SMCHD1: variants seen among roughly 807,000 people sequenced by gnomAD.
SMCHD1 encodes structural maintenance of chromosomes flexible hinge domain-containing protein 1.
A neutral mutation model predicts 254.7 loss-of-function variants in SMCHD1; 78 were observed. The observed-to-expected ratio is 0.31, with a 90% CI of 0.26 to 0.37. The LOEUF is 0.37. Ranked by LOEUF, SMCHD1 falls within the 10% of genes least tolerant of loss-of-function variation. The pLI is 1.00. For missense variants in SMCHD1, 1,840 were observed against 2,408.1 expected (o/e 0.76, Z 4.94); for synonymous variants, 766 against 794.9 (o/e 0.96, Z 0.61).
At chr18:2,712,325 A>T (rs2074697620) in intron 17 of SMCHD1, among the ~76,000 whole-genome samples, 1 of 151,248 alleles carries the variant, frequency 6.6e-6, no homozygotes, top group South Asian at 2.1e-4. Context: ...CTCCTCTTTA[A>T]GTTTTTGGAA....
At chr18:2,769,507 A>G (rs1400038961) in intron 37 of SMCHD1, among the ~76,000 whole-genome samples, 187 bp from the exon 38 acceptor site, 1 of 152,178 alleles carries the variant, frequency 6.6e-6, no homozygotes, top group Non-Finnish European at 1.5e-5. Flanking sequence ...AGAAGGTAAA[A>G]AGTTGTATGT....
intron 41 of SMCHD1, 33 bp downstream of exon 41, chr18:2,772,405 A>G (rs374911901): frequency 2.7e-6 from 4 of 1,488,424 alleles, no homozygotes; most frequent in Non-Finnish European, 3.6e-6. Flanking sequence ...GAAAGGCAGT[A>G]CATTTTATTA....
At chr18:2,749,168 G>A (rs1411989909) in intron 30 of SMCHD1, among the ~76,000 whole-genome samples, 2 of 152,178 alleles carry the variant, frequency 1.3e-5, no homozygotes, top group African/African-American at 4.8e-5. Flanking sequence ...GAGAGACAAT[G>A]GACCAGAGGG....
At chr18:2,658,368 G>C (rs896188528) in intron 1 of SMCHD1, among the ~76,000 whole-genome samples, 1 of 152,154 alleles carries the variant, frequency 6.6e-6, no homozygotes, top group African/African-American at 2.4e-5. Context: ...TCATTACTCA[G>C]ATAGTAAAGC....
intron 17 of SMCHD1, among the ~76,000 whole-genome samples, chr18:2,714,675 A>G (rs1031070320): frequency 6.6e-6 from 1 of 151,820 alleles, no homozygotes; most frequent in South Asian, 2.1e-4. Flanking sequence ...TGTTTTTATG[A>G]TGGCTAGTAT....
chr18:2,760,574 A>C, intron 34 of SMCHD1, 78 bp from the exon 35 acceptor site: 2 of 809,358 alleles, frequency 2.5e-6, no homozygotes, highest in South Asian at 2.9e-5. Flanking sequence ...TGTGGAAAGA[A>C]CAGAAATGTT....
chr18:2,781,316 A>G lies in SMCHD1; in HGVS notation c.5547+3077A>G, dbSNP rs192765527. 2.0e-5 allele frequency among the ~76,000 whole-genome samples: 3 copies of G among 152,366 alleles called. No homozygotes were observed. The East Asian group carries it at 5.8e-4, about 29-fold the overall frequency. ...TAAACATTTTTCTAGAGAATTCATC[A>G]ACATAACAATTGACTCTAATATCTG... On this transcript the variant is annotated intron_variant, in intron 44 of 47. Transcript: ENST00000320876.
intron 7 of SMCHD1, among the ~76,000 whole-genome samples, chr18:2,690,091 A>G (rs1352795323): frequency 2.6e-5 from 4 of 152,186 alleles, no homozygotes; most frequent in Admixed American, 2.6e-4. Context: ...AACTTGTAGG[A>G]AACTTTATAG....
chr18:2,656,391 T>TCCCGTGTG (rs1256625935), intron 1 of SMCHD1, 130 bp downstream of exon 1: 1 of 868,084 alleles, frequency 1.2e-6, no homozygotes, highest in African/African-American at 1.8e-5. Flanking sequence ...GGCTTCCCTC[T>TCCCGTGTG]CCCGTGTGCC....
intron 34 of SMCHD1, among the ~76,000 whole-genome samples, chr18:2,757,121 G>A (rs936558561): frequency 5.9e-5 from 9 of 152,158 alleles, no homozygotes; most frequent in Non-Finnish European, 1.2e-4. Context: ...GTATATGTAT[G>A]TAGAGCTGTA....
chr18:2,683,972 T>TA (rs2073984677), intron 5 of SMCHD1, among the ~76,000 whole-genome samples: 1 of 152,182 alleles, frequency 6.6e-6, no homozygotes, highest in African/African-American at 2.4e-5. Context: ...TAACCACACT[T>TA]ACAATTTCAT....
intron 45 of SMCHD1, among the ~76,000 whole-genome samples, chr18:2,792,168 T>C (rs1430479255): frequency 6.6e-6 from 1 of 152,220 alleles, no homozygotes; most frequent in African/African-American, 2.4e-5. Flanking sequence ...ACAGCAATAC[T>C]GTCATGTGCC....
rs547130890 is a variant in SMCHD1, at chr18:2,660,472, G to GTTTT, written c.186+4227_186+4230dup. ...TAAATTTATAGATTAAAAATCCATG[G>GTTTT]TTTTTTTTTTTTTTTTTTTGATGGG... On this transcript the variant is annotated intron_variant, in intron 1 of 47. Transcript: ENST00000320876. Among the ~76,000 whole-genome samples, 70 of 126,162 alleles carry GTTTT rather than the reference G, an allele frequency of 5.5e-4. 3 individuals carry two copies. The highest frequency in any genetic ancestry group is 1.1e-3 in the Admixed American group (14 of 12,258). 82.8% of individuals were successfully genotyped at this position (126,162 alleles called of 152,430 possible). A position where few individuals can be genotyped will look rare whatever the true frequency, so the allele number is the denominator to read the frequency against.
chr18:2,741,589 A>C (rs1451469755), intron 28 of SMCHD1, among the ~76,000 whole-genome samples: 2 of 152,178 alleles, frequency 1.3e-5, no homozygotes, highest in East Asian at 3.8e-4. Flanking sequence ...AATGTCGAGC[A>C]TCATTTTCAC....
rs1198146991 is a variant in SMCHD1 at position 2,697,742 on chromosome 18, T to C, written c.1132-89T>C. 6 of 827,316 alleles carry C rather than the reference T, an allele frequency of 7.3e-6. No individual in the cohort carries two copies. The African/African-American group carries it at 8.7e-5, about 12-fold the overall frequency. 51.2% of individuals were successfully genotyped at this position (827,316 alleles called of 1,614,324 possible). On this transcript the variant is annotated intron_variant, in intron 9 of 47. Transcript: ENST00000320876. ...TTGTTACTTGTACAAATAAACATAATTTTTACTTATTCTGTTGTTGAATCA... is the reference window on the plus strand; with the variant it reads ...TTGTTACTTGTACAAATAAACATAACTTTTACTTATTCTGTTGTTGAATCA...
intron 45 of SMCHD1, among the ~76,000 whole-genome samples, chr18:2,794,024 C>T (rs1472729141): frequency 6.6e-6 from 1 of 152,116 alleles, no homozygotes; most frequent in East Asian, 1.9e-4. Context: ...GTTTATATGT[C>T]CATTTCCATG....
chr18:2,655,999 GGCGCCGC>G lies in SMCHD1; in HGVS notation c.-73_-67del, dbSNP rs2073041966. The G allele has an allele frequency of 8.3e-7, 1 of 1,199,602 alleles. No individual in the cohort carries two copies. Among genetic ancestry groups the G allele is most frequent in the Middle Eastern group, 3.0e-4 (1 of 3,292 alleles). The allele number at this position is 1,199,602 out of a possible 1,614,324, so 74.3% of individuals were successfully genotyped here. Reference sequence around the variant, plus strand: ...AGCCGCCCCGGGAGCTGGAGCTGAAGGCGCCGCGCGGAGCGCGCACCTCAGCCCTGAG... The same window carrying G: ...AGCCGCCCCGGGAGCTGGAGCTGAAGGCGGAGCGCGCACCTCAGCCCTGAG... On this transcript the variant is annotated 5_prime_UTR_variant, in exon 1 of 48. Transcript: ENST00000320876.
At chr18:2,711,917 A>T (rs2074685684) in intron 17 of SMCHD1, among the ~76,000 whole-genome samples, 1 of 152,178 alleles carries the variant, frequency 6.6e-6, no homozygotes, top group Non-Finnish European at 1.5e-5. Context: ...TGGTTGTTAA[A>T]AAGAACCTGG....
intron 42 of SMCHD1, 68 bp from the exon 43 acceptor site, chr18:2,777,738 A>G: frequency 4.9e-6 from 4 of 809,308 alleles, no homozygotes; most frequent in South Asian, 4.0e-5. Flanking sequence ...CATGTTTTCC[A>G]TATTGTCTTT....
Sources: gnomAD v4.1 joint callset for allele counts (sites outside exome capture counted in the v4.1 genomes callset) on GRCh38, gnomAD v4.1.1 for gene constraint, MANE v1.5 for transcripts, NCBI Gene and HGNC (gene_info 2026-07-23, HGNC 2026-07-21) for gene names.